ICE1: variants seen among roughly 807,000 people sequenced by gnomAD.
The protein encoded by ICE1 is little elongation complex subunit 1.
In ICE1, 64 loss-of-function variants were observed where a neutral mutation model predicts 192.7. The observed-to-expected ratio is 0.33, with a 90% CI of 0.27 to 0.41. The LOEUF is 0.41. Ranked by LOEUF, ICE1 falls within the 10% of genes least tolerant of loss-of-function variation. The pLI is 1.00. For missense variants in ICE1, 2,708 were observed against 2,696.0 expected (o/e 1.00, Z -0.10); for synonymous variants, 1,010 against 984.5 (o/e 1.03, Z -0.49).
intron 1 of ICE1, among the ~76,000 whole-genome samples, chr5:5,429,091 A>G (rs1737617213): frequency 6.6e-6 from 1 of 152,192 alleles, no homozygotes; most frequent in African/African-American, 2.4e-5. Context: ...AGTGTTTCCC[A>G]GTAGAGTCAC....
chr5:5,458,685 A>G (rs2578564), intron 12 of ICE1, among the ~76,000 whole-genome samples: 83,547 of 151,814 alleles, frequency 0.55, 23,920 homozygotes, highest in Middle Eastern at 0.76. Flanking sequence ...GGCCATGTGC[A>G]TCCTCCCAAG....
At chr5:5,476,729 C>T (rs1204649233) in intron 17 of ICE1, among the ~76,000 whole-genome samples, 1 of 152,084 alleles carries the variant, frequency 6.6e-6, no homozygotes, top group Non-Finnish European at 1.5e-5. Flanking sequence ...ATGAGGGATC[C>T]GCTCCCATGA....
intron 3 of ICE1, among the ~76,000 whole-genome samples, chr5:5,438,494 G>A (rs1162621339): frequency 1.3e-5 from 2 of 152,282 alleles, no homozygotes; most frequent in African/African-American, 2.4e-5. Flanking sequence ...AAAACCATCA[G>A]TCCATTTAAC....
intron 10 of ICE1, among the ~76,000 whole-genome samples, chr5:5,453,988 A>G (rs1738508415): frequency 6.6e-6 from 1 of 152,170 alleles, no homozygotes; most frequent in Non-Finnish European, 1.5e-5. Context: ...CCATATGTTC[A>G]TACGCACACA....
Position 5,436,314 on chromosome 5 carries a change from T to G in ICE1, c.85-104T>G. 3 of 717,618 alleles carry G rather than the reference T, an allele frequency of 4.2e-6. No individual in the cohort carries two copies. The South Asian group carries it at 6.8e-5, about 16-fold the overall frequency. The allele number at this position is 717,618 out of a possible 1,614,324, so 44.5% of individuals were successfully genotyped here. A position where few individuals can be genotyped will look rare whatever the true frequency, so the allele number is the denominator to read the frequency against. On this transcript the variant is annotated intron_variant, in intron 1 of 18. Coordinates refer to ENST00000296564, the MANE Select transcript of ICE1 (RefSeq NM_015325.3). ...AAGTAATGCATTAACATTTCTATGT[T>G]TATATAATTATTAAAATTCTTAGAT...
intron 1 of ICE1, among the ~76,000 whole-genome samples, chr5:5,434,590 C>T (rs1190956762): frequency 6.6e-6 from 1 of 152,034 alleles, no homozygotes; most frequent in African/African-American, 2.4e-5. Flanking sequence ...TGTAATATAG[C>T]AAAAACAGCA....
At chr5:5,472,921 TG>T (rs1739204546) in intron 15 of ICE1, among the ~76,000 whole-genome samples, 1 of 152,204 alleles carries the variant, frequency 6.6e-6, no homozygotes, top group South Asian at 2.1e-4. Flanking sequence ...TCAAGAGAAG[TG>T]AAATTTACAT....
chr5:5,462,023 G>A lies in ICE1; in HGVS notation c.2689G>A (p.Gly897Ser), dbSNP rs1006010494. ...LVTENSGNKTGMSTVAKCDGE... is the reference protein window; with the variant it reads ...LVTENSGNKTSMSTVAKCDGE... ...AACAGAAAATAGTGGCAACAAAACC[G>A]GTATGTCAACTGTAGCAAAATGTGA... is the stretch of plus-strand genomic sequence containing the variant. The change falls in exon 13 of 19, where the codon GGT (glycine) becomes AGT (serine). Residue 897 changes from glycine (G) to serine (S), a missense_variant. By Grantham distance (56) the Gly-to-Ser change is moderately conservative (BLOSUM62 0). Around this residue, in one of 2 missense-constraint regions of ICE1, gnomAD observed 2,366 missense variants for 2,276.6 expected, o/e 1.04. Coordinates refer to ENST00000296564, the MANE Select transcript of ICE1 (RefSeq NM_015325.3). The A allele has an allele frequency of 1.1e-5, 18 of 1,613,798 alleles. No individual in the cohort carries two copies. The highest frequency in any genetic ancestry group is 1.4e-5 in the Non-Finnish European group (16 of 1,179,890).
chr5:5,454,829 T>C (rs1561084010), intron 11 of ICE1, among the ~76,000 whole-genome samples, 191 bp downstream of exon 11: 1 of 152,104 alleles, frequency 6.6e-6, no homozygotes, highest in Non-Finnish European at 1.5e-5. Flanking sequence ...TAAATACATT[T>C]AGCTTTCATC....
intron 17 of ICE1, 82 bp from the exon 18 acceptor site, chr5:5,486,638 TA>T: frequency 2.2e-6 from 2 of 903,210 alleles, no homozygotes; most frequent in East Asian, 2.6e-5. Flanking sequence ...TCACCTCTTG[TA>T]AGAGAAGTGG....
intron 15 of ICE1, among the ~76,000 whole-genome samples, chr5:5,472,013 T>C (rs1274507968): frequency 6.6e-6 from 1 of 152,196 alleles, no homozygotes; most frequent in African/African-American, 2.4e-5. Context: ...TCATGATTCA[T>C]TTATAAATCA....
At chr5:5,439,339 A>G (rs933365144) in intron 3 of ICE1, among the ~76,000 whole-genome samples, 1 of 152,274 alleles carries the variant, frequency 6.6e-6, no homozygotes, top group East Asian at 1.9e-4. Flanking sequence ...AGGAGATGAA[A>G]CATAAAGGAA....
chr5:5,437,159 A>G, intron 3 of ICE1, 45 bp downstream of exon 3: 1 of 1,395,860 alleles, frequency 7.2e-7, no homozygotes, highest in East Asian at 2.5e-5. Context: ...GAACTAACTT[A>G]TGTTTAATTC....
chr5:5,476,359 A>C (rs1360264284), intron 17 of ICE1, among the ~76,000 whole-genome samples: 3 of 152,204 alleles, frequency 2.0e-5, no homozygotes, highest in Non-Finnish European at 4.4e-5. Context: ...AGACTAGGAT[A>C]TATAAGTCGC....
chr5:5,436,528 G>A (rs999734044), intron 2 of ICE1, 52 bp downstream of exon 2: 16 of 1,112,748 alleles, frequency 1.4e-5, no homozygotes, highest in Middle Eastern at 2.0e-4. Context: ...TGACAAACTG[G>A]CTGAAGCAGG....
At position 5,469,008 on chromosome 5, in the gene ICE1, CT is replaced by C; in HGVS notation, c.6222+22del. On this transcript the variant is annotated intron_variant, in intron 15 of 18. Coordinates refer to ENST00000296564, the MANE Select transcript of ICE1 (RefSeq NM_015325.3). Reference sequence around the variant, plus strand: ...GAAAAGGTGAGCCATATTTCTGTTTCTTACAGTATCTTACTTTTAGATATTA... The same window carrying C: ...GAAAAGGTGAGCCATATTTCTGTTTCTACAGTATCTTACTTTTAGATATTA... 6.9e-7 allele frequency: 1 copy of C among 1,440,016 alleles called. No individual in the cohort carries two copies. Among genetic ancestry groups the C allele is most frequent in the African/African-American group, 1.5e-5 (1 of 68,602 alleles). 89.2% of individuals were successfully genotyped at this position (1,440,016 alleles called of 1,614,324 possible). A position where few individuals can be genotyped will look rare whatever the true frequency, so the allele number is the denominator to read the frequency against.
At chr5:5,442,410 A>G (rs750468149) in intron 5 of ICE1, among the ~76,000 whole-genome samples, 1 of 152,242 alleles carries the variant, frequency 6.6e-6, no homozygotes, top group Non-Finnish European at 1.5e-5. Context: ...TTCTTACTAT[A>G]TGTATAACTA....
chr5:5,485,299 AAAAC>A lies in ICE1; in HGVS notation c.6521-1414_6521-1411del, dbSNP rs1377053576. Reference sequence around the variant, plus strand: ...TTTAATGAAAGATAACTATATTTCCAAAACAAACAAAAAATAATGAGAATCGCAT... The same window carrying A: ...TTTAATGAAAGATAACTATATTTCCAAAACAAAAAATAATGAGAATCGCAT... On this transcript the variant is annotated intron_variant, in intron 17 of 18. Coordinates refer to ENST00000296564, the MANE Select transcript of ICE1 (RefSeq NM_015325.3). Among the ~76,000 whole-genome samples, 22 of 152,342 alleles carry A rather than the reference AAAAC, an allele frequency of 1.4e-4. No homozygotes were observed. In the East Asian group the frequency reaches 3.3e-3, roughly 23 times the overall value.
At chr5:5,445,424 ATTTTT>A (rs1243321013) in intron 7 of ICE1, among the ~76,000 whole-genome samples, 6 of 151,956 alleles carry the variant, frequency 3.9e-5, no homozygotes, top group Admixed American at 6.6e-5. Context: ...AACTTTTTAA[ATTTTT>A]TATTTATCAT....
Sources: allele counts gnomAD v4.1 joint callset (sites outside exome capture counted in the v4.1 genomes callset), GRCh38; gene constraint gnomAD v4.1.1; regional missense constraint gnomAD v4.1.1; transcripts MANE v1.5; gene names NCBI Gene and HGNC (gene_info 2026-07-23, HGNC 2026-07-21).